ZNF366: variants seen among roughly 807,000 people sequenced by gnomAD.
The protein encoded by ZNF366 is dendritic cell-specific transcript protein.
In ZNF366, 20 loss-of-function variants were observed where a neutral mutation model predicts 47.2. That is an observed-to-expected ratio of 0.42 (90% confidence interval 0.30 to 0.62). The LOEUF is 0.62. ZNF366 is among the 20% of genes least tolerant of loss of function. The probability of loss-of-function intolerance (pLI) is 0.16; values close to 1 mark genes in which losing one functional copy is unlikely to be tolerated. For missense variants in ZNF366, 987 were observed against 976.3 expected, an observed-to-expected ratio of 1.01 and a Z score of -0.15; for synonymous variants, 421 against 395.1, an observed-to-expected ratio of 1.07 and a Z score of -0.78.
chr5:72,449,630 G>A (rs10942301), intron 3 of ZNF366, among the ~76,000 whole-genome samples: 124,332 of 152,286 alleles, frequency 0.82, 51,260 homozygotes, highest in East Asian at 0.96. Flanking sequence ...TTGTGGGATG[G>A]TTCCTGGTTA....
chr5:72,495,731 A>C (rs1316867272), intron 1 of ZNF366, among the ~76,000 whole-genome samples: 4 of 152,214 alleles, frequency 2.6e-5, no homozygotes, highest in Non-Finnish European at 5.9e-5. Flanking sequence ...AATCAGAAGT[A>C]TCTTTAAAGA....
At chr5:72,492,777 G>T (rs1744038361) in intron 1 of ZNF366, among the ~76,000 whole-genome samples, 3 of 152,186 alleles carry the variant, frequency 2.0e-5, no homozygotes, top group Non-Finnish European at 4.4e-5. Context: ...TCAGCATTCT[G>T]GTTTGTGGCA....
At chr5:72,501,064 T>C (rs1015819979) in intron 1 of ZNF366, among the ~76,000 whole-genome samples, 7 of 152,250 alleles carry the variant, frequency 4.6e-5, no homozygotes, top group Admixed American at 2.0e-4. Flanking sequence ...GTTGCCTTTC[T>C]TCAGCTCTAA....
At chr5:72,485,210 AT>A (rs1743870251) in intron 1 of ZNF366, among the ~76,000 whole-genome samples, 1 of 152,214 alleles carries the variant, frequency 6.6e-6, no homozygotes, top group Admixed American at 6.5e-5. Flanking sequence ...TAGAGTGGTC[AT>A]TTTACATGGA....
At chr5:72,449,107 A>G (rs138985963) in intron 3 of ZNF366, among the ~76,000 whole-genome samples, 59 of 152,322 alleles carry the variant, frequency 3.9e-4, no homozygotes, top group African/African-American at 1.3e-3. Flanking sequence ...AATATGTAAG[A>G]TAGATGACTC....
chr5:72,447,117 T>A, intron 4 of ZNF366, 126 bp downstream of exon 4: 2 of 1,056,448 alleles, frequency 1.9e-6, no homozygotes, highest in Non-Finnish European at 2.7e-6. Context: ...CATTATAAGG[T>A]TACTCTTGCT....
intron 2 of ZNF366, 54 bp downstream of exon 2, chr5:72,460,111 G>A (rs1743268935): frequency 7.6e-6 from 12 of 1,576,590 alleles, no homozygotes; most frequent in Non-Finnish European, 8.6e-7. Context: ...CTCTGCTCAG[G>A]GCCCCGCTCC....
At chr5:72,466,717 G>A (rs4703904) in intron 1 of ZNF366, among the ~76,000 whole-genome samples, 85,816 of 152,104 alleles carry the variant, frequency 0.56, 25,211 homozygotes, top group East Asian at 0.92. Flanking sequence ...TTTATCTTGT[G>A]TTATTTAGAC....
intron 3 of ZNF366, 26 bp downstream of exon 3, chr5:72,456,378 G>C: frequency 6.3e-7 from 1 of 1,576,246 alleles, no homozygotes; most frequent in Non-Finnish European, 8.7e-7. Context: ...ACAACCCTCT[G>C]GTTCCTCTCT....
At chr5:72,456,745 T>A in intron 2 of ZNF366, 150 bp from the exon 3 acceptor site, 1 of 752,154 alleles carries the variant, frequency 1.3e-6, no homozygotes, top group Non-Finnish European at 2.0e-6. Context: ...TCAGCCTTGT[T>A]AAATTACTAT....
intron 1 of ZNF366, among the ~76,000 whole-genome samples, chr5:72,482,138 C>T (rs192885629): frequency 2.0e-5 from 3 of 152,308 alleles, no homozygotes. Context: ...CATTAGGTTT[C>T]TTGCTCTTCC....
At chr5:72,457,753 AC>A (rs1473618160) in intron 2 of ZNF366, among the ~76,000 whole-genome samples, 1 of 152,136 alleles carries the variant, frequency 6.6e-6, no homozygotes, top group East Asian at 1.9e-4. Flanking sequence ...GCTTCTCATC[AC>A]AAGATGAAGT....
intron 3 of ZNF366, among the ~76,000 whole-genome samples, chr5:72,447,736 T>C (rs1742989183): frequency 1.3e-5 from 2 of 152,250 alleles, no homozygotes; most frequent in African/African-American, 4.8e-5. Context: ...GTGTTCCTCC[T>C]TTAATAATAA....
chr5:72,504,661 T>C (rs1469591814), intron 1 of ZNF366, among the ~76,000 whole-genome samples: 2 of 152,214 alleles, frequency 1.3e-5, no homozygotes, highest in Non-Finnish European at 1.5e-5. Context: ...ATCCTTGGTA[T>C]AGTATTAAGC....
rs1371127168 is a variant in ZNF366 at position 72,443,208 on chromosome 5, A to G, written c.*548T>C. On this transcript the variant is annotated 3_prime_UTR_variant, in exon 5 of 5. Transcript: ENST00000318442. ...TATTCTTCTCCTGAAATTTTACCTT[A>G]TATCTGCAGCAACTACTGGAGAGCA... 4.6e-5 allele frequency: 7 copies of G among 152,320 alleles called. No homozygotes were observed. Among genetic ancestry groups the G allele is most frequent in the African/African-American group, 1.7e-4 (7 of 41,452 alleles). 9.4% of individuals were successfully genotyped at this position (152,320 alleles called of 1,614,324 possible).
chr5:72,466,535 T>C (rs1743432989), intron 1 of ZNF366, among the ~76,000 whole-genome samples: 2 of 152,172 alleles, frequency 1.3e-5, no homozygotes, highest in Admixed American at 1.3e-4. Context: ...CTCTTGCAAT[T>C]CTTGCTAAAC....
Position 72,460,974 on chromosome 5 carries a change from G to A in ZNF366, c.523C>T (p.Pro175Ser), listed in dbSNP as rs772087370. The change falls in exon 2 of 5, where the codon CCC (proline) becomes TCC (serine). Residue 175 changes from proline (P) to serine (S), a missense_variant. Pro to Ser is a moderately conservative substitution (Grantham distance 74). Coordinates refer to ENST00000318442, the MANE Select transcript of ZNF366 (RefSeq NM_152625.3). ...TPTPFLPTPY[P>S]YYPKVHPGLM... ...CCCGGGTGGACTTTGGGGTAGTAGG[G>A]GTAGGGCGTGGGCAGGAATGGAGTG... The A allele has an allele frequency of 6.2e-7, 1 of 1,613,754 alleles. No individual in the cohort carries two copies. The highest frequency in any genetic ancestry group is 1.1e-5 in the South Asian group (1 of 91,068).
At chr5:72,456,665 C>T (rs1743192885) in intron 2 of ZNF366, 70 bp from the exon 3 acceptor site, 2 of 1,423,650 alleles carry the variant, frequency 1.4e-6, no homozygotes, top group Non-Finnish European at 1.9e-6. Flanking sequence ...TCATAGGCTT[C>T]ATTTTCCTCT....
At chr5:72,446,613 C>T (rs777738317) in intron 4 of ZNF366, among the ~76,000 whole-genome samples, 14 of 152,138 alleles carry the variant, frequency 9.2e-5, no homozygotes, top group Admixed American at 5.9e-4. Context: ...GGTGTAAACC[C>T]CTGCTCTGCA....
Sources: gnomAD v4.1 joint callset for allele counts (sites outside exome capture counted in the v4.1 genomes callset) on GRCh38, gnomAD v4.1.1 for gene constraint, MANE v1.5 for transcripts, NCBI Gene and HGNC (gene_info 2026-07-23, HGNC 2026-07-21) for gene names.